The following LMF2 variants were observed in gnomAD, a reference collection of about 807,000 sequenced individuals.
LMF2 encodes the protein transmembrane protein 112B.
Under a neutral mutation model 81.5 loss-of-function variants are expected in LMF2, and 113 were observed. That is an observed-to-expected ratio of 1.39 (90% CI 1.19 to 1.62). The LOEUF is 1.62. LMF2 is among the 40% of genes most tolerant of loss of function. The pLI, the probability that LMF2 is intolerant of heterozygous loss-of-function variation, is 0.00. For missense variants in LMF2, 1,235 were observed against 929.1 expected (o/e 1.33, Z -4.28); for synonymous variants, 645 against 424.5 (o/e 1.52, Z -6.39).
rs771542176 is a variant in LMF2, at chr22:50,506,682, C to A, written c.349-16G>T. 1.7e-5 allele frequency: 28 copies of A among 1,613,564 alleles called. No homozygotes were observed. The South Asian group carries it at 2.9e-4, about 16-fold the overall frequency. On this transcript the variant is annotated splice_polypyrimidine_tract_variant and intron_variant, in intron 2 of 13. Coordinates refer to ENST00000474879, the MANE Select transcript of LMF2 (RefSeq NM_033200.3). ...CCTGGCCCACCTGCGGAGAGAGGGG[C>A]TGTCAGGGAGCGGGTGTGTCTGTGG...
rs755576898 is a variant in LMF2, at chr22:50,506,941, C to T, written c.189G>A (p.Leu63=). 9.5e-6 allele frequency: 15 copies of T among 1,580,022 alleles called. No individual in the cohort carries two copies. The highest frequency in any genetic ancestry group is 2.7e-5 in the African/African-American group (2 of 74,322). ...GCCCCAGTCTCGGCGCTTCCCACAG[C>T]AGCGTCGGGGTCTCCCACAGCTGCT... ...RWQQLWETPT[L]LWEAPRLGLD... is the part of the protein sequence containing the mutation. The change falls in exon 2 of 14, where the codon CTG becomes CTA. Residue 63 remains leucine (L), a synonymous_variant. Coordinates refer to ENST00000474879, the MANE Select transcript of LMF2 (RefSeq NM_033200.3).
At chr22:50,507,454 G>T in intron 1 of LMF2, 128 bp downstream of exon 1, 1 of 764,434 alleles carries the variant, frequency 1.3e-6, no homozygotes, top group Non-Finnish European at 2.3e-6. Context: ...ACGAACCGCC[G>T]CCCCCTACCC....
At position 50,506,420 on chromosome 22, in the gene LMF2, GGGGGGCCTCCTTGCGGTGGGA is replaced by G; in HGVS notation, c.439_459del (p.Ser147_Pro153del). On this transcript the variant is annotated inframe_deletion, in exon 4 of 14. Coordinates refer to ENST00000474879, the MANE Select transcript of LMF2 (RefSeq NM_033200.3). Reference sequence around the variant, plus strand: ...GGCAGGGCCCCTGCCTGCCTGCCCTGGGGGGCCTCCTTGCGGTGGGAGGCTGGCCTCAGCGGGGCCACCAGC... The same window carrying G: ...GGCAGGGCCCCTGCCTGCCTGCCCTGGGCTGGCCTCAGCGGGGCCACCAGC... 6.5e-7 allele frequency: 1 copy of G among 1,550,212 alleles called. No individual in the cohort carries two copies. The highest frequency in any genetic ancestry group is 8.7e-7 in the Non-Finnish European group (1 of 1,147,788).
Position 50,503,697 on chromosome 22 carries a change from C to G in LMF2, c.1818G>C (p.Glu606Asp). 1 of 1,512,756 alleles carries G rather than the reference C, an allele frequency of 6.6e-7. No individual in the cohort carries two copies. The highest frequency in any genetic ancestry group is 2.4e-5 in the East Asian group (1 of 41,788). The allele number at this position is 1,512,756 out of a possible 1,614,324, so 93.7% of individuals were successfully genotyped here. A position where few individuals can be genotyped will look rare whatever the true frequency, so the allele number is the denominator to read the frequency against. Reference sequence around the variant, plus strand: ...CGCTGCGGGTGCGAGGTGGGCTTTTCTCCTGTGGGAGGGAGGGAGGGAGGG... The same window carrying G: ...CGCTGCGGGTGCGAGGTGGGCTTTTGTCCTGTGGGAGGGAGGGAGGGAGGG... ...ETLLRQFGLQ[E>D]KSPPRTRSAN... Residue 606 changes from glutamate to aspartate, a missense_variant and splice_region_variant, in exon 14 of 14, where the codon GAG becomes GAC. Physicochemically the swap from Glu to Asp is conservative, Grantham distance 45 (BLOSUM62 2). Transcript: ENST00000474879.
In LMF2 at chr22:50,507,665, G is replaced by C. The variant is rs1039638615; in HGVS notation, c.11C>G (p.Ser4Cys). 487 of 1,550,130 alleles carry C rather than the reference G, an allele frequency of 3.1e-4. No individual in the cohort carries two copies. The African/African-American group carries it at 6.0e-3, about 19-fold the overall frequency. The change falls in exon 1 of 14, where the codon TCC becomes TGC. Residue 4 changes from serine (S) to cysteine (C), a missense_variant. Transcript: ENST00000474879. MAG[S>C]RLPRQLFLQG... ...GAGGAAGAGCTGCCGCGGGAGCCGG[G>C]AGCCCGCCATGTCCGCTACGCGGCC...
chr22:50,507,323 T>G (rs2068615138), intron 1 of LMF2: 1 of 607,294 alleles, frequency 1.6e-6, no homozygotes, highest in Non-Finnish European at 2.9e-6. Flanking sequence ...CCACCAGGTC[T>G]GGGAGGAAGC....
chr22:50,503,863 G>A lies in LMF2; in HGVS notation c.1760C>T (p.Ser587Phe). The part of the protein sequence containing the change: ...RRQWVEEFFP[S>F]VSLGDPTLET... Reference sequence around the variant, plus strand: ...CAGCGTGGGGTCCCCCAGGGACACGGATGGGAAGAACTCCTCCACCCACTG... The same window carrying A: ...CAGCGTGGGGTCCCCCAGGGACACGAATGGGAAGAACTCCTCCACCCACTG... The change falls in exon 13 of 14, where the codon TCC (serine) becomes TTC (phenylalanine). Residue 587 changes from serine to phenylalanine, a missense_variant. Ser to Phe is a radical substitution (Grantham distance 155). Transcript: ENST00000474879. 5 of 1,606,190 alleles carry A rather than the reference G, an allele frequency of 3.1e-6. No individual in the cohort carries two copies. The highest frequency in any genetic ancestry group is 2.2e-5 in the East Asian group (1 of 44,846).
At chr22:50,504,495 G>GGCCCCCCC (rs2068500310) in intron 11 of LMF2, 44 bp from the exon 12 acceptor site, 13 of 1,339,560 alleles carry the variant, frequency 9.7e-6, no homozygotes, top group East Asian at 7.6e-5. Context: ...TACCCGCCCT[G>GGCCCCCCC]CCCCTCCCCT....
intron 12 of LMF2, 51 bp from the exon 13 acceptor site, chr22:50,503,955 CCCATCG>C: frequency 6.5e-7 from 1 of 1,535,390 alleles, no homozygotes; most frequent in Non-Finnish European, 8.9e-7. Context: ...GGCTCCATAC[CCCATCG>C]CCAGTGCCCA....
intron 12 of LMF2, 97 bp from the exon 13 acceptor site, chr22:50,504,001 C>A: frequency 9.1e-7 from 1 of 1,097,828 alleles, no homozygotes; most frequent in East Asian, 2.6e-5. Flanking sequence ...GCTCCTCACG[C>A]TCCACATCCC....
At position 50,504,389 on chromosome 22, in the gene LMF2, C is replaced by A; in HGVS notation, c.1669G>T (p.Val557Phe). 2.5e-6 allele frequency: 4 copies of A among 1,612,386 alleles called. No individual in the cohort carries two copies. Among genetic ancestry groups the A allele is most frequent in the Non-Finnish European group, 3.4e-6 (4 of 1,179,694 alleles). The part of the protein sequence containing the change: ...YPFHKQPPTY[V>F]RAQRYKYWFS... ...CAGTACTTGTAGCGCTGGGCTCGGACGTAGGTGGGCGGCTGCTTGTGGAAG... is the reference window on the plus strand; with the variant it reads ...CAGTACTTGTAGCGCTGGGCTCGGAAGTAGGTGGGCGGCTGCTTGTGGAAG... The change falls in exon 12 of 14, where the codon GTC (valine) becomes TTC (phenylalanine). Residue 557 changes from valine to phenylalanine, a missense_variant. Physicochemically the swap from Val to Phe is conservative, Grantham distance 50. Coordinates refer to ENST00000474879, the MANE Select transcript of LMF2 (RefSeq NM_033200.3).
At chr22:50,505,011 G>A (rs1280506675) in intron 9 of LMF2, 27 bp from the exon 10 acceptor site, 3 of 1,611,904 alleles carry the variant, frequency 1.9e-6, no homozygotes, top group Admixed American at 3.3e-5. Context: ...GGTTCTCAGG[G>A]CTGCCCTGCC....
At position 50,503,444 on chromosome 22, in the gene LMF2, C is replaced by CG. The variant is rs1455680512; in HGVS notation, c.2070dup (p.Ala691ArgfsTer9). 1 of 1,604,816 alleles carries CG rather than the reference C, an allele frequency of 6.2e-7. No individual in the cohort carries two copies. The highest frequency in any genetic ancestry group is 8.5e-7 in the Non-Finnish European group (1 of 1,177,558). On this transcript the variant is annotated frameshift_variant, in exon 14 of 14. Coordinates refer to ENST00000474879, the MANE Select transcript of LMF2 (RefSeq NM_033200.3). LOFTEE classifies it low-confidence loss of function (END_TRUNC). ...CTACTGGAGCAGGGGTTGGGGGCTG[C>CG]GGTGGCCTGTTCGGAGGCAGCTCCG...
chr22:50,504,785 G>A lies in LMF2; in HGVS notation c.1437+17C>T, dbSNP rs908378083. Reference sequence around the variant, plus strand: ...TGACCTGGGCCCCACCACCCTGCCCGCCCTGGGAGGGCTCACCGTCCAGTG... The same window carrying A: ...TGACCTGGGCCCCACCACCCTGCCCACCCTGGGAGGGCTCACCGTCCAGTG... On this transcript the variant is annotated intron_variant, in intron 10 of 13. Coordinates refer to ENST00000474879, the MANE Select transcript of LMF2 (RefSeq NM_033200.3). 2.4e-5 allele frequency: 39 copies of A among 1,602,886 alleles called. No individual in the cohort carries two copies. Among genetic ancestry groups the A allele is most frequent in the East Asian group, 9.0e-5 (4 of 44,646 alleles).
rs769749647 is a variant in LMF2 at position 50,506,623 on chromosome 22, CCAGCCGTCACT to C, written c.377+4_377+14del. 5.0e-6 allele frequency: 8 copies of C among 1,611,490 alleles called. No homozygotes were observed. The African/African-American group carries it at 1.1e-4, about 22-fold the overall frequency. On this transcript the variant is annotated splice_donor_5th_base_variant and intron_variant, in intron 3 of 13. Transcript: ENST00000474879. The stretch of plus-strand genomic sequence containing the variant: ...TACCCAGCCTCCCACAGCCCCAGGC[CCAGCCGTCACT>C]CACCACTGGAAATAAAGGAACACCT...
chr22:50,507,080 G>A lies in LMF2; in HGVS notation c.95-45C>T, dbSNP rs369642297. ...GGCCAGGCCCTGGACAGCCCTTGCA[G>A]ACTAGACTACCTCTGAGTCAGGGCC... On this transcript the variant is annotated intron_variant, in intron 1 of 13. Coordinates refer to ENST00000474879, the MANE Select transcript of LMF2 (RefSeq NM_033200.3). 7.1e-6 allele frequency: 11 copies of A among 1,548,358 alleles called. No individual in the cohort carries two copies. In the Admixed American group the frequency reaches 7.3e-5, roughly 10 times the overall value.
chr22:50,503,243 G>T lies in LMF2; in HGVS notation c.*148C>A. The T allele has an allele frequency of 1.3e-6, 1 of 796,002 alleles. No homozygotes were observed. 49.3% of individuals were successfully genotyped at this position (796,002 alleles called of 1,614,324 possible). A position where few individuals can be genotyped will look rare whatever the true frequency, so the allele number is the denominator to read the frequency against. ...GGTGGGGCCTGGAGCCCTCAATGCA[G>T]CACCCTGCAAACCCCAGGGGCAGCC... On this transcript the variant is annotated 3_prime_UTR_variant, in exon 14 of 14. Transcript: ENST00000474879.
Position 50,506,803 on chromosome 22 carries a change from G to A in LMF2, c.327C>T (p.Ala109=), listed in dbSNP as rs759663211. Reference sequence around the variant, plus strand: ...TTGCCTGGCAGGCTGACAGGTAGGCGGCCCAAAGCAGCAAGTAGATGACAG... The same window carrying A: ...TTGCCTGGCAGGCTGACAGGTAGGCAGCCCAAAGCAGCAAGTAGATGACAG... ...RHPVIYLLLW[A]AYLSACQVGQ... The change falls in exon 2 of 14, where the codon GCC becomes GCT. Residue 109 remains alanine (A), a synonymous_variant. Transcript: ENST00000474879. 25 of 1,612,044 alleles carry A rather than the reference G, an allele frequency of 1.6e-5. No individual in the cohort carries two copies. The highest frequency in any genetic ancestry group is 1.2e-4 in the South Asian group (11 of 90,958).
In LMF2 at chr22:50,505,111, T is replaced by C; in HGVS notation, c.1200A>G (p.Val400=). ...VRGWLRKLSA[V]VQLSLVGTAT... ...CAGTGCCCACAAGGGACAGTTGGAC[T>C]ACAGCACTGAGCTTCCGTAGCCAGC... Residue 400 remains valine (V), a synonymous_variant, in exon 9 of 14, where the codon GTA becomes GTG. Transcript: ENST00000474879. 6.2e-7 allele frequency: 1 copy of C among 1,612,972 alleles called. No homozygotes were observed. Among genetic ancestry groups the C allele is most frequent in the Non-Finnish European group, 8.5e-7 (1 of 1,179,992 alleles).
Sources: allele counts gnomAD v4.1 joint callset, GRCh38; gene constraint gnomAD v4.1.1; transcripts MANE v1.5; gene names NCBI Gene and HGNC (gene_info 2026-07-23, HGNC 2026-07-21).